ATP8A2: variants seen among roughly 807,000 people sequenced by gnomAD.
ATP8A2 encodes the protein ATPase phospholipid transporting 8A2.
In ATP8A2, 100 loss-of-function variants were observed where a neutral mutation model predicts 165.6. The ratio of observed to expected loss-of-function variants is 0.60; its 90% confidence interval spans 0.51 to 0.71. ATP8A2 has a LOEUF of 0.71. ATP8A2 is among the 30% of genes least tolerant of loss of function. The pLI is 0.00. For missense variants in ATP8A2, 1,227 were observed against 1,479.5 expected, an observed-to-expected ratio of 0.83 and a Z score of 2.80; for synonymous variants, 543 against 548.8, an observed-to-expected ratio of 0.99 and a Z score of 0.15.
intron 24 of ATP8A2, among the ~76,000 whole-genome samples, chr13:25,640,591 C>T (rs1466162304): frequency 1.3e-5 from 2 of 152,150 alleles, no homozygotes; most frequent in African/African-American, 2.4e-5. Flanking sequence ...ATAACAGGCT[C>T]TGAAATTGAG....
At chr13:25,838,078 C>T (rs1346115455) in intron 29 of ATP8A2, among the ~76,000 whole-genome samples, 2 of 152,146 alleles carry the variant, frequency 1.3e-5, no homozygotes, top group Non-Finnish European at 2.9e-5. Context: ...CTGGTCTTTG[C>T]GCAGGGGGGA....
chr13:25,977,029 A>T (rs1488058451), intron 35 of ATP8A2, among the ~76,000 whole-genome samples: 10 of 111,364 alleles, frequency 9.0e-5, no homozygotes, highest in Admixed American at 3.8e-4. Flanking sequence ...CTTGTGATCC[A>T]CCCCCACCCC....
At chr13:25,713,538 C>G (rs982502964) in intron 25 of ATP8A2, among the ~76,000 whole-genome samples, 1 of 152,124 alleles carries the variant, frequency 6.6e-6, no homozygotes, top group South Asian at 2.1e-4. Context: ...GATTCTCAGT[C>G]AGGAGTCTAG....
At chr13:25,635,908 G>A (rs1052395090) in intron 24 of ATP8A2, among the ~76,000 whole-genome samples, 1 of 152,194 alleles carries the variant, frequency 6.6e-6, no homozygotes, top group African/African-American at 2.4e-5. Context: ...TTTAAATGGA[G>A]CTTTTGCAAA....
chr13:25,963,347 T>C (rs1345296616), intron 34 of ATP8A2, among the ~76,000 whole-genome samples: 1 of 145,192 alleles, frequency 6.9e-6, no homozygotes, highest in Non-Finnish European at 1.5e-5. Flanking sequence ...TGAGCTGAGA[T>C]CGTGCCACTG....
intron 1 of ATP8A2, among the ~76,000 whole-genome samples, chr13:25,391,409 C>T (rs557940312): frequency 5.9e-5 from 9 of 152,292 alleles, no homozygotes; most frequent in East Asian, 3.9e-4. Context: ...CTTCATTTAA[C>T]GACCTTTGTT....
intron 25 of ATP8A2, among the ~76,000 whole-genome samples, chr13:25,765,303 A>G (rs1237608107): frequency 1.3e-5 from 2 of 152,240 alleles, no homozygotes; most frequent in Non-Finnish European, 2.9e-5. Flanking sequence ...CCAAGCACCT[A>G]GCTTGGGTCA....
Position 25,372,335 on chromosome 13 carries a change from G to A in ATP8A2, c.76+47G>A, listed in dbSNP as rs1204049045. The A allele has an allele frequency of 1.5e-6, 2 of 1,336,004 alleles. No homozygotes were observed. The allele number at this position is 1,336,004 out of a possible 1,614,324, so 82.8% of individuals were successfully genotyped here. A position where few individuals can be genotyped will look rare whatever the true frequency, so the allele number is the denominator to read the frequency against. On this transcript the variant is annotated intron_variant, in intron 1 of 36. Transcript: ENST00000381655. The surrounding 1 kb of genome is among the most constrained non-coding windows in gnomAD (Gnocchi z 4.8). ...GAGGGAGGGTGGGCCCGGGGCGGGG[G>A]CGGCGCGGGGCGCGCCTGCGGTTAT... is the stretch of plus-strand genomic sequence containing the variant.
intron 24 of ATP8A2, among the ~76,000 whole-genome samples, chr13:25,596,153 T>A (rs936589631): frequency 4.6e-5 from 7 of 152,222 alleles, no homozygotes; most frequent in Admixed American, 3.9e-4. Flanking sequence ...AGCTTCCCAG[T>A]GCAGTGAGAA....
At chr13:25,727,841 T>C (rs1593256425) in intron 25 of ATP8A2, among the ~76,000 whole-genome samples, 1 of 152,252 alleles carries the variant, frequency 6.6e-6, no homozygotes, top group African/African-American at 2.4e-5. Flanking sequence ...AATGGAACAT[T>C]AACTCTGCGA....
At chr13:25,757,202 G>A (rs764116730) in intron 25 of ATP8A2, among the ~76,000 whole-genome samples, 13 of 152,118 alleles carry the variant, frequency 8.5e-5, no homozygotes, top group South Asian at 2.1e-4. Flanking sequence ...TTATCACCTC[G>A]GACCATTGGT....
rs115693872 is a variant in ATP8A2, at chr13:25,757,307, C to T, written c.2385-11739C>T. Among the ~76,000 whole-genome samples, 631 of 152,290 alleles carry T rather than the reference C, an allele frequency of 4.1e-3. 7 individuals are homozygous for T. Among genetic ancestry groups the T allele is most frequent in the African/African-American group, 0.015 (608 of 41,558 alleles). On this transcript the variant is annotated intron_variant, in intron 25 of 36. Coordinates refer to ENST00000381655, the MANE Select transcript of ATP8A2 (RefSeq NM_016529.6). ...TCCCTGTGGCTCCAGTGGACACACG[C>T]GTGCTTTCCTCACCTTTCTATCACC...
At chr13:25,384,897 G>T (rs1292319728) in intron 1 of ATP8A2, among the ~76,000 whole-genome samples, 1 of 152,186 alleles carries the variant, frequency 6.6e-6, no homozygotes, top group Non-Finnish European at 1.5e-5. Flanking sequence ...GTGAAAAGCT[G>T]CAGGGCTGTG....
intron 2 of ATP8A2, among the ~76,000 whole-genome samples, chr13:25,514,154 A>G (rs141672681): frequency 1.6e-4 from 25 of 152,006 alleles, no homozygotes; most frequent in Admixed American, 1.0e-3. Context: ...CTTTTTTGCA[A>G]TATTTTAGTT....
In ATP8A2 at chr13:25,937,362, C is replaced by CT. The variant is rs1555293658; in HGVS notation, c.3184-24196dup. 6.3e-3 allele frequency among the ~76,000 whole-genome samples: 244 copies of CT among 38,864 alleles called. 7 individuals are homozygous for CT. The highest frequency in any genetic ancestry group is 8.1e-3 in the Non-Finnish European group (149 of 18,362). The allele number at this position is 38,864 out of a possible 152,430, so 25.5% of individuals were successfully genotyped here. A position where few individuals can be genotyped will look rare whatever the true frequency, so the allele number is the denominator to read the frequency against. On this transcript the variant is annotated intron_variant, in intron 33 of 36. Transcript: ENST00000381655. Reference sequence around the variant, plus strand: ...TGCTTTGTCTTTCTATTCTTTCTTTCTTTTTTTTTTTTTTTTTGAACAGCC... The same window carrying CT: ...TGCTTTGTCTTTCTATTCTTTCTTTCTTTTTTTTTTTTTTTTTTGAACAGCC...
chr13:25,718,196 G>T (rs1353047579), intron 25 of ATP8A2, among the ~76,000 whole-genome samples: 1 of 147,114 alleles, frequency 6.8e-6, no homozygotes, highest in African/African-American at 2.7e-5. Context: ...ATTAGGTTAA[G>T]ATCAATTTGT....
rs17082397 is a variant in ATP8A2 at position 25,528,240 on chromosome 13, G to A, written c.222-1759G>A. Among the ~76,000 whole-genome samples the A allele has an allele frequency of 3.8e-3, 581 of 152,258 alleles. 4 individuals carry two copies. The highest frequency in any genetic ancestry group is 0.013 in the African/African-American group (559 of 41,560). ...TGTCAGCAAATTTCTAGCTAATTCA[G>A]GGATAGTCTTTCAAGTTACATATTG... On this transcript the variant is annotated intron_variant, in intron 2 of 36. Transcript: ENST00000381655.
At chr13:25,889,275 A>ATATATATATATATATATATATAT (rs1566239890) in intron 33 of ATP8A2, among the ~76,000 whole-genome samples, 1 of 84,944 alleles carries the variant, frequency 1.2e-5, no homozygotes, top group African/African-American at 6.7e-5. Flanking sequence ...TATATATATA[A>ATATATATATATATATATATATAT]AATTTAAATG....
intron 27 of ATP8A2, among the ~76,000 whole-genome samples, chr13:25,785,074 A>G (rs753581601): frequency 6.6e-5 from 10 of 150,564 alleles, no homozygotes; most frequent in Non-Finnish European, 1.3e-4. Context: ...TTTCTATTAT[A>G]TTGTGTTTAA....
Sources: gnomAD v4.1 joint callset for allele counts (sites outside exome capture counted in the v4.1 genomes callset) on GRCh38, gnomAD v4.1.1 for gene constraint, Gnocchi (gnomAD v3.1) non-coding constraint, MANE v1.5 for transcripts, NCBI Gene and HGNC (gene_info 2026-07-23, HGNC 2026-07-21) for gene names.